The following MROH2A variants were observed in gnomAD, a reference collection of about 807,000 sequenced individuals.
MROH2A encodes maestro heat like repeat family member 2A, also known as maestro heat-like repeat-containing protein family member 2A.
In MROH2A, 174 loss-of-function variants were observed where a neutral mutation model predicts 200.4. The ratio of observed to expected loss-of-function variants is 0.87; its 90% CI spans 0.77 to 0.98. MROH2A has a LOEUF of 0.98. Among genes scored for constraint, MROH2A ranks in the 50% least tolerant of loss-of-function variants. The probability of loss-of-function intolerance (pLI) is 0.00; values close to 1 mark genes in which losing one functional copy is unlikely to be tolerated. For missense variants in MROH2A, 2,045 were observed against 2,139.6 expected (o/e 0.96, Z 0.87); for synonymous variants, 829 against 840.4 (o/e 0.99, Z 0.23).
Position 233,831,656 on chromosome 2 carries a change from T to A in MROH2A, c.4734+116T>A, listed in dbSNP as rs11563013. On this transcript the variant is annotated intron_variant, in intron 39 of 41. Coordinates refer to ENST00000389758, the MANE Select transcript of MROH2A (RefSeq NM_001394639.1). Reference sequence around the variant, plus strand: ...GGGCCCTATGTTTACCTTCCACACATGCCATGTCGAGACCGGCACTGTGCA... The same window carrying A: ...GGGCCCTATGTTTACCTTCCACACAAGCCATGTCGAGACCGGCACTGTGCA... The A allele has an allele frequency of 2.2e-4, 256 of 1,169,900 alleles. 1 individual carries two copies. In the African/African-American group the frequency reaches 3.4e-3, roughly 16 times the overall value. 72.5% of individuals were successfully genotyped at this position (1,169,900 alleles called of 1,614,324 possible). A position where few individuals can be genotyped will look rare whatever the true frequency, so the allele number is the denominator to read the frequency against.
Position 233,794,455 on chromosome 2 carries a change from C to T in MROH2A, c.915C>T (p.Pro305=), listed in dbSNP as rs774484649. The T allele has an allele frequency of 1.9e-6, 3 of 1,550,500 alleles. No homozygotes were observed. The highest frequency in any genetic ancestry group is 2.4e-5 in the East Asian group (1 of 40,902). Residue 305 remains proline, a synonymous_variant, in exon 8 of 42, where the codon CCC becomes CCT. Transcript: ENST00000389758. ...DLREQVYDYI[P]LLLAEYQGSL... ...GGGAGCAGGTCTACGACTACATCCCCCTGCTGCTGGCGGAGTACCAGGGCA... is the reference window on the plus strand; with the variant it reads ...GGGAGCAGGTCTACGACTACATCCCTCTGCTGCTGGCGGAGTACCAGGGCA...
chr2:233,807,845 G>C lies in MROH2A; in HGVS notation c.2285G>C (p.Ser762Thr), dbSNP rs1702905920. The C allele has an allele frequency of 6.4e-7, 1 of 1,551,014 alleles. No homozygotes were observed. Among genetic ancestry groups the C allele is most frequent in the African/African-American group, 1.4e-5 (1 of 73,188 alleles). The change falls in exon 21 of 42, where the codon AGT (serine) becomes ACT (threonine). Residue 762 changes from serine (S) to threonine (T), a missense_variant. Coordinates refer to ENST00000389758, the MANE Select transcript of MROH2A (RefSeq NM_001394639.1). This position sits in a 1 kb window ranked among gnomAD's most constrained non-coding sequence, Gnocchi z 4.3. ...IQESEQSWQI[S>T]AWRKDHPWRR... Reference sequence around the variant, plus strand: ...GAGTCAGAGCAGTCCTGGCAGATCAGTGCTTGGCGGGTAAGCCACCTTCCC... The same window carrying C: ...GAGTCAGAGCAGTCCTGGCAGATCACTGCTTGGCGGGTAAGCCACCTTCCC...
rs201598221 is a variant in MROH2A, at chr2:233,800,332, C to T, written c.1560+17C>T. ...ATGACCACCGTGAGTGGGCCCTGCC[C>T]CACCCGCACAGTGGGTCACCACGCC... On this transcript the variant is annotated intron_variant, in intron 14 of 41. Transcript: ENST00000389758. 189 of 1,475,254 alleles carry T rather than the reference C, an allele frequency of 1.3e-4. 1 individual carries two copies. The East Asian group carries it at 4.6e-3, about 36-fold the overall frequency. 91.4% of individuals were successfully genotyped at this position (1,475,254 alleles called of 1,614,324 possible). A position where few individuals can be genotyped will look rare whatever the true frequency, so the allele number is the denominator to read the frequency against.
rs1208152222 is a variant in MROH2A, at chr2:233,779,849, A to C, written c.273A>C (p.Pro91=). The C allele has an allele frequency of 6.5e-7, 1 of 1,549,418 alleles. No homozygotes were observed. The highest frequency in any genetic ancestry group is 2.0e-5 in the Admixed American group (1 of 50,992). The change falls in exon 3 of 42, where the codon CCA becomes CCC. Residue 91 remains proline (P), a synonymous_variant. Coordinates refer to ENST00000389758, the MANE Select transcript of MROH2A (RefSeq NM_001394639.1). ...INTLIRCLQV[P]EISTQRKVNI... ...CTCTCATCCGCTGCCTGCAGGTGCC[A>C]GAGGTAGGGCCATCTTACCCACTGG...
At chr2:233,799,439 C>G (rs1702317465) in intron 12 of MROH2A, among the ~76,000 whole-genome samples, 1 of 152,206 alleles carries the variant, frequency 6.6e-6, no homozygotes, top group South Asian at 2.1e-4. Context: ...TCTGCATCTC[C>G]TTCACATAGT....
rs1487989721 is a variant in MROH2A, at chr2:233,805,098, C to G, written c.2039C>G (p.Pro680Arg). 4 of 1,549,110 alleles carry G rather than the reference C, an allele frequency of 2.6e-6. No homozygotes were observed. The South Asian group carries it at 4.8e-5, about 18-fold the overall frequency. The change falls in exon 19 of 42, where the codon CCC (proline) becomes CGC (arginine). Residue 680 changes from proline (P) to arginine (R), a missense_variant. Transcript: ENST00000389758. ...AACCAGATTGCGAGCTTTGACAGCCCCTCTCTGGAGAAGGTTTGTCTTCAT... is the reference window on the plus strand; with the variant it reads ...AACCAGATTGCGAGCTTTGACAGCCGCTCTCTGGAGAAGGTTTGTCTTCAT... Reference protein sequence around the residue: ...LNNQIASFDSPSLEKGFLYRA... With the variant: ...LNNQIASFDSRSLEKGFLYRA...
chr2:233,807,024 T>C lies in MROH2A; in HGVS notation c.2053-399T>C, dbSNP rs1702836482. 6.6e-6 allele frequency among the ~76,000 whole-genome samples: 1 copy of C among 152,146 alleles called. No individual in the cohort carries two copies. The highest frequency in any genetic ancestry group is 1.9e-4 in the East Asian group (1 of 5,194). On this transcript the variant is annotated intron_variant, in intron 19 of 41. Transcript: ENST00000389758. The surrounding 1 kb of genome is among the most constrained non-coding windows in gnomAD (Gnocchi z 4.3). ...ATCCTCATAGCTTAGCTCCCACTTA[T>C]GAGTGAGAACATACGACGTTTGGTT...
chr2:233,779,370 C>T lies in MROH2A; in HGVS notation c.12C>T (p.Ala4=). Residue 4 remains alanine, a synonymous_variant, in exon 2 of 42, where the codon GCC becomes GCT. Coordinates refer to ENST00000389758, the MANE Select transcript of MROH2A (RefSeq NM_001394639.1). The stretch of plus-strand genomic sequence containing the variant: ...AGCTTGAGGAAGAGATGACTGAAGC[C>T]ATTACAGAAGCAGCAGTAGCCTCAA... The part of the protein sequence containing the change: MTE[A]ITEAAVASSE... 4 of 1,549,062 alleles carry T rather than the reference C, an allele frequency of 2.6e-6. No homozygotes were observed. The highest frequency in any genetic ancestry group is 2.6e-6 in the Non-Finnish European group (3 of 1,145,602).
chr2:233,812,590 A>G (rs901743782), intron 24 of MROH2A, among the ~76,000 whole-genome samples: 1 of 152,246 alleles, frequency 6.6e-6, no homozygotes, highest in African/African-American at 2.4e-5. Flanking sequence ...TCAACTAAGC[A>G]CAATGATATG....
chr2:233,794,705 C>T (rs192412130), intron 8 of MROH2A, among the ~76,000 whole-genome samples, 199 bp downstream of exon 8: 12 of 152,272 alleles, frequency 7.9e-5, no homozygotes, highest in Non-Finnish European at 1.3e-4. Flanking sequence ...ACTGCCCTTC[C>T]GGGTGGAAGG....
intron 12 of MROH2A, 81 bp downstream of exon 12, chr2:233,798,931 G>A (rs1307568107): frequency 8.5e-6 from 10 of 1,174,226 alleles, no homozygotes; most frequent in African/African-American, 1.5e-5. Flanking sequence ...GCTCTGGGAG[G>A]CAGAGGCTTT....
chr2:233,792,576 G>C (rs1701853515), intron 5 of MROH2A, among the ~76,000 whole-genome samples: 2 of 152,124 alleles, frequency 1.3e-5, no homozygotes, highest in South Asian at 4.1e-4. Context: ...GCCTCCCAAA[G>C]TGCTGGGATT....
rs1704918659 is a variant in MROH2A, at chr2:233,833,400, A to G, written c.*141A>G. 1.0e-6 allele frequency: 1 copy of G among 973,642 alleles called. No individual in the cohort carries two copies. The highest frequency in any genetic ancestry group is 1.7e-5 in the African/African-American group (1 of 59,516). 60.3% of individuals were successfully genotyped at this position (973,642 alleles called of 1,614,324 possible). A position where few individuals can be genotyped will look rare whatever the true frequency, so the allele number is the denominator to read the frequency against. Reference sequence around the variant, plus strand: ...CCTTTTGTTTCCTTCCGTTGAAATAAACCTCCACTGTCGTTGGAGTAGACT... The same window carrying G: ...CCTTTTGTTTCCTTCCGTTGAAATAGACCTCCACTGTCGTTGGAGTAGACT... On this transcript the variant is annotated 3_prime_UTR_variant, in exon 42 of 42. Transcript: ENST00000389758.
chr2:233,819,888 C>G lies in MROH2A; in HGVS notation c.3358-14C>G, dbSNP rs1703817087. ...GCCTGGGCTGCCCCCCGGTGATGCC[C>G]CATCCCTACCTAGGTGGCCGAGATC... On this transcript the variant is annotated splice_polypyrimidine_tract_variant and intron_variant, in intron 30 of 41. Transcript: ENST00000389758. 6.7e-7 allele frequency: 1 copy of G among 1,495,870 alleles called. No homozygotes were observed. The highest frequency in any genetic ancestry group is 1.4e-5 in the African/African-American group (1 of 71,794). The allele number at this position is 1,495,870 out of a possible 1,614,324, so 92.7% of individuals were successfully genotyped here. A position where few individuals can be genotyped will look rare whatever the true frequency, so the allele number is the denominator to read the frequency against.
chr2:233,819,567 A>C, intron 30 of MROH2A, 98 bp downstream of exon 30: 8 of 1,268,760 alleles, frequency 6.3e-6, no homozygotes, highest in Non-Finnish European at 8.6e-6. Flanking sequence ...GCACTCGCTG[A>C]GAATGCCTCC....
At chr2:233,786,924 C>T (rs998764028) in intron 3 of MROH2A, among the ~76,000 whole-genome samples, 2 of 152,206 alleles carry the variant, frequency 1.3e-5, no homozygotes, top group African/African-American at 4.8e-5. Context: ...TCCATTTGCA[C>T]TGCCATGAAC....
rs560658945 is a variant in MROH2A at position 233,803,629 on chromosome 2, G to C, written c.1749+141G>C. 1.8e-4 allele frequency: 157 copies of C among 864,084 alleles called. No homozygotes were observed. In the African/African-American group the frequency reaches 2.5e-3, roughly 14 times the overall value. The allele number at this position is 864,084 out of a possible 1,614,324, so 53.5% of individuals were successfully genotyped here. On this transcript the variant is annotated intron_variant, in intron 16 of 41. Transcript: ENST00000389758. Reference sequence around the variant, plus strand: ...AGGGAGTTTGATGCTTGGCAGGACAGATCATTCCATGTCCCTGAAATTCCT... The same window carrying C: ...AGGGAGTTTGATGCTTGGCAGGACACATCATTCCATGTCCCTGAAATTCCT...
rs886411612 is a variant in MROH2A, at chr2:233,832,638, C to T, written c.4897C>T (p.Arg1633Trp). The change falls in exon 41 of 42, where the codon CGG (arginine) becomes TGG (tryptophan). Residue 1633 changes from arginine to tryptophan, a missense_variant. Physicochemically the swap from Arg to Trp is moderately radical, Grantham distance 101. This residue lies in a region of MROH2A where 1,201 missense variants were observed against 1,311.3 expected (regional missense o/e 0.92). Coordinates refer to ENST00000389758, the MANE Select transcript of MROH2A (RefSeq NM_001394639.1). Reference sequence around the variant, plus strand: ...GAAAAAGCTGGACTTCCCAGCATTACGGAATTGTGAGTAGTGGAGAGTGTT... The same window carrying T: ...GAAAAAGCTGGACTTCCCAGCATTATGGAATTGTGAGTAGTGGAGAGTGTT... ...YLKKLDFPALRNSLQELQLDP... is the reference protein window; with the variant it reads ...YLKKLDFPALWNSLQELQLDP... 5.7e-5 allele frequency: 88 copies of T among 1,547,286 alleles called. 1 individual carries two copies. Among genetic ancestry groups the T allele is most frequent in the Admixed American group, 2.6e-4 (13 of 50,968 alleles).
chr2:233,829,877 T>G, intron 38 of MROH2A, 102 bp downstream of exon 38: 2 of 1,126,788 alleles, frequency 1.8e-6, no homozygotes, highest in Non-Finnish European at 2.3e-6. Flanking sequence ...AGCTTTTCTC[T>G]GCCTCAGTTG....
Sources: gnomAD v4.1 joint callset for allele counts (sites outside exome capture counted in the v4.1 genomes callset) on GRCh38, gnomAD v4.1.1 for gene constraint, gnomAD v4.1.1 regional missense constraint, Gnocchi (gnomAD v3.1) non-coding constraint, MANE v1.5 for transcripts, NCBI Gene and HGNC (gene_info 2026-07-23, HGNC 2026-07-21) for gene names.